The following NRDC variants were observed in gnomAD, a reference collection of about 807,000 sequenced individuals.
The protein encoded by NRDC is nardilysin convertase.
NRDC carries 54 observed loss-of-function variants against 147.1 expected under a neutral mutation model. The ratio of observed to expected loss-of-function variants is 0.37; its 90% CI spans 0.29 to 0.46. The LOEUF (loss-of-function observed/expected upper bound fraction) is 0.46, where lower values mean the gene tolerates loss of function less well. NRDC is among the 20% of genes least tolerant of loss of function. The pLI, the probability that NRDC is intolerant of heterozygous loss-of-function variation, is 1.00. For synonymous variants in NRDC, 440 were observed against 482.1 expected, an observed-to-expected ratio of 0.91 and a Z score of 1.14; for missense variants, 1,082 against 1,370.6, an observed-to-expected ratio of 0.79 and a Z score of 3.33.
chr1:51,800,731 G>GGTAT (rs1557900062), intron 20 of NRDC, 48 bp from the exon 21 acceptor site: 1 of 1,576,872 alleles, frequency 6.3e-7, no homozygotes, highest in East Asian at 2.3e-5. Context: ...AAATCCACTA[G>GGTAT]GTATTAGGGA....
intron 15 of NRDC, among the ~76,000 whole-genome samples, chr1:51,811,014 A>G (rs1243543732): frequency 2.0e-5 from 3 of 152,188 alleles, no homozygotes; most frequent in South Asian, 2.1e-4. Flanking sequence ...TCCAGCTACA[A>G]TAAGGACTAA....
chr1:51,829,974 T>G (rs1458777642), intron 4 of NRDC, among the ~76,000 whole-genome samples: 1 of 147,418 alleles, frequency 6.8e-6, no homozygotes, highest in Non-Finnish European at 1.5e-5. Context: ...TCTTTTTTTT[T>G]TTTTTTTTGT....
At chr1:51,798,564 T>A in intron 21 of NRDC, 153 bp from the exon 22 acceptor site, 1 of 635,254 alleles carries the variant, frequency 1.6e-6, no homozygotes, top group Non-Finnish European at 2.6e-6. Flanking sequence ...AGTATCAGAT[T>A]AACCAAAAAA....
chr1:51,815,182 CT>C lies in NRDC; in HGVS notation c.1440-370del, dbSNP rs869244434. 2.0e-3 allele frequency among the ~76,000 whole-genome samples: 247 copies of C among 125,546 alleles called. 1 individual carries two copies. Among genetic ancestry groups the C allele is most frequent in the African/African-American group, 6.2e-3 (208 of 33,332 alleles). 82.4% of individuals were successfully genotyped at this position (125,546 alleles called of 152,430 possible). A position where few individuals can be genotyped will look rare whatever the true frequency, so the allele number is the denominator to read the frequency against. On this transcript the variant is annotated intron_variant, in intron 11 of 30. Transcript: ENST00000352171. Reference sequence around the variant, plus strand: ...GAAAGCATTTTGCTTACCTTTTTTTCTTTTTTTTTTTTTTTTTTTTTAATAA... The same window carrying C: ...GAAAGCATTTTGCTTACCTTTTTTTCTTTTTTTTTTTTTTTTTTTTAATAA...
chr1:51,835,097 C>T (rs544891979), intron 3 of NRDC, among the ~76,000 whole-genome samples: 9 of 152,144 alleles, frequency 5.9e-5, no homozygotes, highest in African/African-American at 9.6e-5. Flanking sequence ...AGTCTCGCTC[C>T]GTCACCCAGG....
At chr1:51,862,853 T>C (rs1044099189) in intron 1 of NRDC, among the ~76,000 whole-genome samples, 1 of 149,572 alleles carries the variant, frequency 6.7e-6, no homozygotes, top group Non-Finnish European at 1.5e-5. Context: ...CTACTAAATA[T>C]ACAAAAATTA....
At chr1:51,855,629 GA>G (rs965769159) in intron 1 of NRDC, among the ~76,000 whole-genome samples, 6 of 151,800 alleles carry the variant, frequency 4.0e-5, no homozygotes, top group Admixed American at 2.6e-4. Context: ...ATCATTAAGA[GA>G]AAAAAACCCT....
chr1:51,792,056 G>C lies in NRDC; in HGVS notation c.2866C>G (p.Gln956Glu). The C allele has an allele frequency of 6.2e-7, 1 of 1,614,084 alleles. No homozygotes were observed. Among genetic ancestry groups the C allele is most frequent in the Non-Finnish European group, 8.5e-7 (1 of 1,180,010 alleles). The stretch of plus-strand genomic sequence containing the variant: ...TGCCAGCTGACTTACCCAAGGGTCT[G>C]CTTGGTTCGAAGGAAGTCAAAACAA... ...EPCFDFLRTK[Q>E]TLGYHVYPTC... Residue 956 changes from glutamine (Q) to glutamate (E), a missense_variant, in exon 26 of 31, where the codon CAG becomes GAG. Physicochemically the swap from Gln to Glu is conservative, Grantham distance 29. This residue lies in a region of NRDC where 635 missense variants were observed against 923.8 expected (regional missense o/e 0.69). Coordinates refer to ENST00000352171, the MANE Select transcript of NRDC (RefSeq NM_001101662.2).
chr1:51,860,202 T>G (rs1214323718), intron 1 of NRDC: 2 of 156,888 alleles, frequency 1.3e-5, no homozygotes, highest in Non-Finnish European at 2.9e-5. Context: ...ATCAGCATGC[T>G]TCATCTTTCA....
At chr1:51,793,002 C>G (rs1245236987) in intron 24 of NRDC, among the ~76,000 whole-genome samples, 7 of 152,208 alleles carry the variant, frequency 4.6e-5, no homozygotes, top group Admixed American at 3.9e-4. Flanking sequence ...TAGTGCCTCC[C>G]AGAGTCAGGA....
At chr1:51,811,721 A>C (rs186601117) in intron 15 of NRDC, among the ~76,000 whole-genome samples, 74 of 152,350 alleles carry the variant, frequency 4.9e-4, no homozygotes, top group African/African-American at 1.7e-3. Context: ...GAATCACTTC[A>C]TCTATTGCAG....
At chr1:51,818,044 A>G in intron 10 of NRDC, 22 bp downstream of exon 10, 1 of 1,585,394 alleles carries the variant, frequency 6.3e-7, no homozygotes. Context: ...CTAATGAAGT[A>G]AATTTTCCCT....
intron 28 of NRDC, 96 bp downstream of exon 28, chr1:51,790,804 T>C: frequency 9.3e-7 from 1 of 1,072,720 alleles, no homozygotes; most frequent in Non-Finnish European, 1.4e-6. Context: ...AAGGTGGGGC[T>C]GCAAAGCTCA....
intron 4 of NRDC, among the ~76,000 whole-genome samples, chr1:51,831,463 G>A (rs1680704047): frequency 6.6e-6 from 1 of 152,156 alleles, no homozygotes. Flanking sequence ...GAGTAAAGAT[G>A]CAGTTTTCTT....
chr1:51,862,606 G>A (rs1488771487), intron 1 of NRDC, among the ~76,000 whole-genome samples: 2 of 151,596 alleles, frequency 1.3e-5, no homozygotes, highest in African/African-American at 4.9e-5. Context: ...CACTTGTGGT[G>A]CCAGCTACTC....
At chr1:51,865,087 G>C (rs1306284794) in intron 1 of NRDC, among the ~76,000 whole-genome samples, 2 of 151,880 alleles carry the variant, frequency 1.3e-5, no homozygotes, top group African/African-American at 2.4e-5. Context: ...GCAAACATAA[G>C]CTATGGACTT....
chr1:51,871,871 T>G (rs184222944), intron 1 of NRDC, among the ~76,000 whole-genome samples: 1 of 152,254 alleles, frequency 6.6e-6, no homozygotes, highest in Admixed American at 6.5e-5. Context: ...CGTTTTTGTT[T>G]GTTTTTTGGT....
At chr1:51,830,822 A>G (rs923809235) in intron 4 of NRDC, among the ~76,000 whole-genome samples, 2 of 152,230 alleles carry the variant, frequency 1.3e-5, no homozygotes, top group African/African-American at 4.8e-5. Flanking sequence ...GTAAAAATTT[A>G]GTCATTTCCT....
intron 2 of NRDC, among the ~76,000 whole-genome samples, chr1:51,839,516 C>G (rs1163619360): frequency 2.0e-5 from 3 of 152,090 alleles, no homozygotes; most frequent in African/African-American, 7.2e-5. Context: ...TGTACTGGCT[C>G]CGAAAATTAT....
Sources: gnomAD v4.1 joint callset for allele counts (sites outside exome capture counted in the v4.1 genomes callset) on GRCh38, gnomAD v4.1.1 for gene constraint, gnomAD v4.1.1 regional missense constraint, MANE v1.5 for transcripts, NCBI Gene and HGNC (gene_info 2026-07-23, HGNC 2026-07-21) for gene names.